Variants in VPS13D observed in about 807,000 individuals in gnomAD.
VPS13D encodes the protein intermembrane lipid transfer protein VPS13D.
VPS13D carries 187 observed loss-of-function variants against 461.9 expected under a neutral mutation model. The ratio of observed to expected loss-of-function variants is 0.40; its 90% CI spans 0.36 to 0.46. The LOEUF (loss-of-function observed/expected upper bound fraction) is 0.46. Among genes scored for constraint, VPS13D ranks in the 20% least tolerant of loss-of-function variants. The pLI is 0.60. For synonymous variants in VPS13D, 1,951 were observed against 1,986.3 expected, an observed-to-expected ratio of 0.98 and a Z score of 0.47; for missense variants, 4,711 against 5,364.9, an observed-to-expected ratio of 0.88 and a Z score of 3.81.
Position 12,290,583 on chromosome 1 carries a change from A to G in VPS13D, c.5726-415A>G, listed in dbSNP as rs574430488. Among the ~76,000 whole-genome samples the G allele has an allele frequency of 9.2e-4, 140 of 152,178 alleles. 1 individual carries two copies. The highest frequency in any genetic ancestry group is 1.7e-3 in the Non-Finnish European group (113 of 67,996). On this transcript the variant is annotated intron_variant, in intron 22 of 69. Coordinates refer to ENST00000620676, the MANE Select transcript of VPS13D (RefSeq NM_015378.4). ...TAAAAATACAGAAAATTAGTCAGGC[A>G]TGGTGGTGGGCACCTGTAGTCCCAG...
In VPS13D at chr1:12,242,566, G is replaced by A; in HGVS notation, c.151G>A (p.Glu51Lys). The change falls in exon 3 of 70, where the codon GAA (glutamate) becomes AAA (lysine). Residue 51 changes from glutamate (E) to lysine (K), a missense_variant. Around this residue, in one of 3 missense-constraint regions of VPS13D, gnomAD observed 4,411 missense variants for 4,937.8 expected, o/e 0.89. Coordinates refer to ENST00000620676, the MANE Select transcript of VPS13D (RefSeq NM_015378.4). Reference sequence around the variant, plus strand: ...AAAGAAAGATGCCTTGAAAGAATTGGAATTACCATTTGAAGTCAAAGCTGG... The same window carrying A: ...AAAGAAAGATGCCTTGAAAGAATTGAAATTACCATTTGAAGTCAAAGCTGG... ...PLKKDALKEL[E>K]LPFEVKAGFI... 1 of 1,614,128 alleles carries A rather than the reference G, an allele frequency of 6.2e-7. No homozygotes were observed. The highest frequency in any genetic ancestry group is 8.5e-7 in the Non-Finnish European group (1 of 1,180,020).
chr1:12,254,969 G>A (rs1030320846), intron 7 of VPS13D, among the ~76,000 whole-genome samples: 3 of 148,476 alleles, frequency 2.0e-5, no homozygotes, highest in East Asian at 2.0e-4. Flanking sequence ...TTTTTGAGAC[G>A]GCATCTCGCT....
intron 50 of VPS13D, among the ~76,000 whole-genome samples, chr1:12,359,192 T>C (rs891964899): frequency 1.3e-5 from 2 of 152,200 alleles, no homozygotes; most frequent in African/African-American, 4.8e-5. Context: ...ATATGCCTCA[T>C]AGCCACTTGA....
chr1:12,357,179 A>G (rs769576558), intron 49 of VPS13D, among the ~76,000 whole-genome samples: 2 of 152,228 alleles, frequency 1.3e-5, no homozygotes, highest in Non-Finnish European at 2.9e-5. Context: ...GGTGTATCCA[A>G]TAATGCTAAA....
chr1:12,396,184 C>T (rs1427540705), intron 60 of VPS13D, among the ~76,000 whole-genome samples: 1 of 151,574 alleles, frequency 6.6e-6, no homozygotes, highest in African/African-American at 2.4e-5. Context: ...GCTGCAAATT[C>T]CTTCTGGCTG....
rs1334546615 is a variant in VPS13D at position 12,283,497 on chromosome 1, T to C, written c.5395T>C (p.Phe1799Leu). 1.2e-6 allele frequency: 2 copies of C among 1,614,234 alleles called. No homozygotes were observed. The highest frequency in any genetic ancestry group is 1.7e-5 in the Admixed American group (1 of 60,022). ...IFLVDKKHPEFSSSYNRVNRS... is the reference protein window; with the variant it reads ...IFLVDKKHPELSSSYNRVNRS... ...CTTGGTAGATAAGAAACATCCAGAA[T>C]TCTCTTCCAGTTACAATCGAGTTAA... Residue 1799 changes from phenylalanine to leucine, a missense_variant, in exon 21 of 70, where the codon TTC (phenylalanine) becomes CTC (leucine). Transcript: ENST00000620676.
At chr1:12,345,312 T>G in intron 42 of VPS13D, 62 bp from the exon 43 acceptor site, 1 of 1,542,568 alleles carries the variant, frequency 6.5e-7, no homozygotes, top group Non-Finnish European at 8.8e-7. Flanking sequence ...GTGTCTTTGC[T>G]TCTACTTTTC....
intron 6 of VPS13D, among the ~76,000 whole-genome samples, chr1:12,251,979 G>A (rs142308716): frequency 5.3e-5 from 8 of 152,186 alleles, no homozygotes; most frequent in East Asian, 1.9e-4. Context: ...CGTCCCATGC[G>A]TCTCTCCTTG....
At chr1:12,244,930 C>T (rs1640499865) in intron 5 of VPS13D, among the ~76,000 whole-genome samples, 1 of 152,188 alleles carries the variant, frequency 6.6e-6, no homozygotes, top group African/African-American at 2.4e-5. Context: ...GATTTATGGC[C>T]TAAGAATCCA....
intron 67 of VPS13D, among the ~76,000 whole-genome samples, chr1:12,464,205 T>G (rs1645450726): frequency 6.6e-6 from 1 of 152,110 alleles, no homozygotes; most frequent in African/African-American, 2.4e-5. Context: ...TTACTCAGGG[T>G]TTTTCCCCAC....
At chr1:12,268,640 C>T in intron 15 of VPS13D, 66 bp from the exon 16 acceptor site, 2 of 1,500,238 alleles carry the variant, frequency 1.3e-6, no homozygotes, top group South Asian at 1.3e-5. Context: ...GAATCCCTCA[C>T]AGGTCTGTTA....
intron 46 of VPS13D, among the ~76,000 whole-genome samples, chr1:12,353,704 A>G (rs1306573890): frequency 6.6e-6 from 1 of 152,012 alleles, no homozygotes; most frequent in Non-Finnish European, 1.5e-5. Context: ...ACATGAGGGA[A>G]CTTTCTGGGG....
chr1:12,471,511 A>G (rs907765970), intron 67 of VPS13D, among the ~76,000 whole-genome samples: 2 of 152,274 alleles, frequency 1.3e-5, no homozygotes, highest in East Asian at 3.9e-4. Flanking sequence ...AATCACTTTC[A>G]ACACTTTGGG....
Position 12,397,669 on chromosome 1 carries a change from A to G in VPS13D, c.11635-2512A>G, listed in dbSNP as rs1464379459. The stretch of plus-strand genomic sequence containing the variant: ...GCCTAGAGAGAAAGTCTGCCAATAA[A>G]TATGCAGGCAGGCAAGCAAATGAAT... On this transcript the variant is annotated intron_variant, in intron 60 of 69. Coordinates refer to ENST00000620676, the MANE Select transcript of VPS13D (RefSeq NM_015378.4). Among the ~76,000 whole-genome samples the G allele has an allele frequency of 1.3e-5, 2 of 152,244 alleles. 1 individual carries two copies. The highest frequency in any genetic ancestry group is 1.3e-4 in the Admixed American group (2 of 15,288).
chr1:12,237,875 G>A (rs1041111269), intron 2 of VPS13D, among the ~76,000 whole-genome samples: 30 of 151,982 alleles, frequency 2.0e-4, no homozygotes, highest in Non-Finnish European at 4.1e-4. Flanking sequence ...ATTTATTGAG[G>A]CTGGGCATGG....
chr1:12,242,669 G>A (rs1640416638), intron 3 of VPS13D, 79 bp downstream of exon 3: 1 of 1,298,176 alleles, frequency 7.7e-7, no homozygotes, highest in African/African-American at 1.5e-5. Flanking sequence ...CCTGGAGTTT[G>A]TATTGATTTG....
intron 69 of VPS13D, 41 bp from the exon 70 acceptor site, chr1:12,508,852 C>A (rs1646148158): frequency 6.2e-7 from 1 of 1,602,006 alleles, no homozygotes. Context: ...CTGGATTTCC[C>A]CATCCTGGGG....
chr1:12,354,327 T>C (rs536077446), intron 47 of VPS13D, 106 bp downstream of exon 47: 3 of 1,372,870 alleles, frequency 2.2e-6, no homozygotes, highest in African/African-American at 2.9e-5. Context: ...GGGGCACATA[T>C]AATATCTCAA....
chr1:12,391,131 A>G (rs2101663541), intron 60 of VPS13D, among the ~76,000 whole-genome samples: 1 of 152,372 alleles, frequency 6.6e-6, no homozygotes, highest in East Asian at 1.9e-4. Context: ...GAATCAGTAT[A>G]TAATCACACA....
Sources: gnomAD v4.1 joint callset for allele counts (sites outside exome capture counted in the v4.1 genomes callset) on GRCh38, gnomAD v4.1.1 for gene constraint, gnomAD v4.1.1 regional missense constraint, MANE v1.5 for transcripts, NCBI Gene and HGNC (gene_info 2026-07-23, HGNC 2026-07-21) for gene names.